Variants in SIMC1 observed in about 807,000 individuals in gnomAD.
SIMC1 encodes SUMO interacting motifs containing 1, also known as SUMO-interacting motif-containing protein 1.
In SIMC1, 55 loss-of-function variants were observed where a neutral mutation model predicts 82.3. That is an observed-to-expected ratio of 0.67 (90% CI 0.54 to 0.84). The LOEUF (loss-of-function observed/expected upper bound fraction) is 0.84, where lower values mean the gene tolerates loss of function less well. Among genes scored for constraint, SIMC1 ranks in the 40% least tolerant of loss-of-function variants. The pLI is 0.00. For synonymous variants in SIMC1, 353 were observed against 426.3 expected, an observed-to-expected ratio of 0.83 and a Z score of 2.12; for missense variants, 915 against 1,107.2, an observed-to-expected ratio of 0.83 and a Z score of 2.46.
At chr5:176,324,006 A>T (rs1171826047) in intron 6 of SIMC1, among the ~76,000 whole-genome samples, 22 of 151,382 alleles carry the variant, frequency 1.5e-4, no homozygotes, top group East Asian at 1.4e-3. Flanking sequence ...AAAAAAAAAA[A>T]AAAAAAAACA....
intron 4 of SIMC1, among the ~76,000 whole-genome samples, chr5:176,305,511 A>AC (rs1175349582): frequency 1.0e-5 from 1 of 99,018 alleles, no homozygotes; most frequent in Non-Finnish European, 2.0e-5. Flanking sequence ...CCGGCCAGCC[A>AC]CCCCGTCTGG....
rs190305094 is a variant in SIMC1 at position 176,257,841 on chromosome 5, G to A, written c.129+19204G>A. 4.1e-3 allele frequency among the ~76,000 whole-genome samples: 623 copies of A among 152,228 alleles called. 3 individuals carry two copies. Among genetic ancestry groups the A allele is most frequent in the African/African-American group, 0.014 (586 of 41,538 alleles). ...TATTTGTTGCATGGGGTTGTCCTAT[G>A]CACTGTAGGATATTTAATAGCATCT... is the stretch of plus-strand genomic sequence containing the variant. On this transcript the variant is annotated intron_variant, in intron 1 of 9. Transcript: ENST00000429602.
At chr5:176,324,803 C>CA (rs756275925) in intron 7 of SIMC1, 46 bp downstream of exon 7, 106 of 1,467,656 alleles carry the variant, frequency 7.2e-5, no homozygotes, top group Admixed American at 2.6e-4. Flanking sequence ...AAAAAAAAAA[C>CA]AAAAAAAACT....
intron 4 of SIMC1, among the ~76,000 whole-genome samples, chr5:176,310,538 C>T (rs1764622745): frequency 6.6e-6 from 1 of 152,120 alleles, no homozygotes; most frequent in African/African-American, 2.4e-5. Flanking sequence ...ACAAAAAAAG[C>T]CAGTCTCAAA....
intron 4 of SIMC1, 152 bp from the exon 5 acceptor site, chr5:176,313,539 T>G: frequency 6.5e-7 from 1 of 1,547,510 alleles, no homozygotes; most frequent in Non-Finnish European, 8.8e-7. Flanking sequence ...TGACCCAGAC[T>G]ACCTGCCCTC....
intron 1 of SIMC1, among the ~76,000 whole-genome samples, chr5:176,287,049 A>G (rs1479041050): frequency 6.6e-6 from 1 of 152,228 alleles, no homozygotes; most frequent in East Asian, 1.9e-4. Context: ...AACTAGTTCA[A>G]CCATTGTGGA....
chr5:176,251,881 A>G (rs1250078876), intron 1 of SIMC1, among the ~76,000 whole-genome samples: 2 of 150,150 alleles, frequency 1.3e-5, no homozygotes, highest in African/African-American at 4.9e-5. Context: ...CATGTTTCAG[A>G]GAGCACAGGG....
At position 176,325,577 on chromosome 5, in the gene SIMC1, T is replaced by C. The variant is rs1026381502; in HGVS notation, c.2171+820T>C. Among the ~76,000 whole-genome samples, 9 of 151,328 alleles carry C rather than the reference T, an allele frequency of 5.9e-5. No homozygotes were observed. In the South Asian group the frequency reaches 1.3e-3, roughly 21 times the overall value. ...GGTAGGCGCCTGTAGTCCCAGCTAC[T>C]CAGGAGGCTGAGGCAGGAGAATGGT... On this transcript the variant is annotated intron_variant, in intron 7 of 9. Transcript: ENST00000429602.
chr5:176,271,402 T>C (rs2113177597), intron 1 of SIMC1, among the ~76,000 whole-genome samples: 1 of 152,142 alleles, frequency 6.6e-6, no homozygotes, highest in East Asian at 1.9e-4. Flanking sequence ...TAGACCTATA[T>C]CCAGTAAAGA....
At position 176,273,267 on chromosome 5, in the gene SIMC1, G is replaced by C. The variant is rs143610680; in HGVS notation, c.130-16387G>C. On this transcript the variant is annotated intron_variant, in intron 1 of 9. Coordinates refer to ENST00000429602, the MANE Select transcript of SIMC1 (RefSeq NM_001308195.2). ...GAACGATCAGGCAGCAGCATTTGCT[G>C]TTCCGCAATATTCACTGTTCTGCAG... Among the ~76,000 whole-genome samples the C allele has an allele frequency of 7.4e-3, 1,125 of 152,290 alleles. 16 individuals carry two copies. The highest frequency in any genetic ancestry group is 0.025 in the African/African-American group (1,047 of 41,548).
In SIMC1 at chr5:176,330,486, G is replaced by A. The variant is rs866662605; in HGVS notation, c.2171+5729G>A. Among the ~76,000 whole-genome samples the A allele has an allele frequency of 3.8e-4, 58 of 151,956 alleles. 1 individual carries two copies. In the Middle Eastern group the frequency reaches 0.014, roughly 36 times the overall value. On this transcript the variant is annotated intron_variant, in intron 7 of 9. Coordinates refer to ENST00000429602, the MANE Select transcript of SIMC1 (RefSeq NM_001308195.2). Reference sequence around the variant, plus strand: ...TTAGGTAAAGTACAAGATGAGCCTGGAACATCTTGTGCCACAAAGTAAGGA... The same window carrying A: ...TTAGGTAAAGTACAAGATGAGCCTGAAACATCTTGTGCCACAAAGTAAGGA...
chr5:176,330,282 T>C lies in SIMC1; in HGVS notation c.2171+5525T>C, dbSNP rs113635561. 3.7e-3 allele frequency among the ~76,000 whole-genome samples: 556 copies of C among 152,168 alleles called. 5 individuals are homozygous for C. Among genetic ancestry groups the C allele is most frequent in the African/African-American group, 0.013 (537 of 41,500 alleles). On this transcript the variant is annotated intron_variant, in intron 7 of 9. Transcript: ENST00000429602. The stretch of plus-strand genomic sequence containing the variant: ...TGGGCATGGTAGCATACGCCTGTTA[T>C]CTCAGCTACTTGGAAGCCTGAGGCA...
chr5:176,269,411 T>C (rs1358685734), intron 1 of SIMC1, among the ~76,000 whole-genome samples: 2 of 152,248 alleles, frequency 1.3e-5, no homozygotes, highest in Non-Finnish European at 2.9e-5. Flanking sequence ...GCCAATAAAT[T>C]TGATAAATGA....
intron 1 of SIMC1, chr5:176,270,160 G>C (rs1264801766): frequency 5.9e-5 from 9 of 151,438 alleles, no homozygotes; most frequent in Admixed American, 5.3e-4. Flanking sequence ...AGGATTGCAA[G>C]GTTAATTTAA....
chr5:176,294,419 C>A (rs1763711816), intron 2 of SIMC1, among the ~76,000 whole-genome samples: 1 of 152,076 alleles, frequency 6.6e-6, no homozygotes, highest in African/African-American at 2.4e-5. Context: ...GCTGGGACTA[C>A]AGTTGCGTGC....
chr5:176,253,849 G>C (rs1414092928), intron 1 of SIMC1, among the ~76,000 whole-genome samples: 2 of 152,060 alleles, frequency 1.3e-5, no homozygotes, highest in Admixed American at 6.5e-5. Context: ...TGATAATCTC[G>C]GTTTGTGTAA....
intron 4 of SIMC1, among the ~76,000 whole-genome samples, chr5:176,310,848 T>C (rs66505320): frequency 0.12 from 17,804 of 151,982 alleles, 1,103 homozygotes; most frequent in Admixed American, 0.15. Context: ...CTGGTGATAA[T>C]GAATAAAGTC....
At chr5:176,335,498 G>C (rs574947577) in intron 7 of SIMC1, among the ~76,000 whole-genome samples, 2 of 151,650 alleles carry the variant, frequency 1.3e-5, no homozygotes, top group South Asian at 4.2e-4. Flanking sequence ...GACTGGTCTC[G>C]AACTCCTGAG....
intron 4 of SIMC1, chr5:176,308,270 A>AG (rs1453742205): frequency 7.3e-6 from 11 of 1,506,672 alleles, no homozygotes; most frequent in Non-Finnish European, 9.2e-6. Flanking sequence ...TGATGCCATC[A>AG]GAATTGTTCA....
Sources: allele counts gnomAD v4.1 joint callset (sites outside exome capture counted in the v4.1 genomes callset), GRCh38; gene constraint gnomAD v4.1.1; transcripts MANE v1.5; gene names NCBI Gene and HGNC (gene_info 2026-07-23, HGNC 2026-07-21).